The following CFAP20DC variants were observed in gnomAD, a reference collection of about 807,000 sequenced individuals.
CFAP20DC encodes the protein CFAP20 domain containing.
A neutral mutation model predicts 101.7 loss-of-function variants in CFAP20DC; 84 were observed. The ratio of observed to expected loss-of-function variants is 0.83; its 90% CI spans 0.69 to 0.99. The LOEUF is 0.99. CFAP20DC is among the 50% of genes least tolerant of loss of function. The pLI is 0.00. For synonymous variants in CFAP20DC, 359 were observed against 351.2 expected (o/e 1.02, Z -0.25); for missense variants, 1,007 against 970.3 (o/e 1.04, Z -0.50).
chr3:58,861,981 A>G lies in CFAP20DC; in HGVS notation c.1593+1577T>C. 1 of 985,210 alleles carries G rather than the reference A, an allele frequency of 1.0e-6. No individual in the cohort carries two copies. Among genetic ancestry groups the G allele is most frequent in the Non-Finnish European group, 1.2e-6 (1 of 829,704 alleles). 61.0% of individuals were successfully genotyped at this position (985,210 alleles called of 1,614,324 possible). ...CTACAGCAAAAGAAAGCATTAAGTGATATCAAATTAAAATATTCAGAGCTA... is the reference window on the plus strand; with the variant it reads ...CTACAGCAAAAGAAAGCATTAAGTGGTATCAAATTAAAATATTCAGAGCTA... On this transcript the variant is annotated intron_variant, in intron 12 of 16. Transcript: ENST00000482387. This position sits in a 1 kb window ranked among gnomAD's most constrained non-coding sequence, Gnocchi z 4.0.
chr3:59,021,658 C>A (rs545738891), intron 4 of CFAP20DC, among the ~76,000 whole-genome samples: 1 of 152,182 alleles, frequency 6.6e-6, no homozygotes, highest in Non-Finnish European at 1.5e-5. Flanking sequence ...CCTGGTCACA[C>A]AATGATGAGA....
chr3:58,856,594 CAGAAAACTCGAA>C, intron 12 of CFAP20DC, among the ~76,000 whole-genome samples: 1 of 152,282 alleles, frequency 6.6e-6, no homozygotes, highest in Admixed American at 6.5e-5. Context: ...TGCCTTCAGG[CAGAAAACTCGAA>C]AGACTGTCAG....
At chr3:58,939,770 T>A (rs914300001) in intron 4 of CFAP20DC, among the ~76,000 whole-genome samples, 3 of 144,560 alleles carry the variant, frequency 2.1e-5, no homozygotes, top group Admixed American at 6.9e-5. Context: ...TTTTTTTTTT[T>A]TTTTTTTTTT....
chr3:58,777,378 T>C (rs765950660), intron 15 of CFAP20DC, among the ~76,000 whole-genome samples: 22 of 152,340 alleles, frequency 1.4e-4, no homozygotes, highest in Non-Finnish European at 1.9e-4. Context: ...GCACATGTTG[T>C]CAGGACCTCC....
chr3:59,046,346 A>C, intron 2 of CFAP20DC, 24 bp from the exon 3 acceptor site: 1 of 1,354,066 alleles, frequency 7.4e-7, no homozygotes, highest in Non-Finnish European at 1.0e-6. Flanking sequence ...TGAAAACAGT[A>C]GTTATCACAG....
intron 15 of CFAP20DC, chr3:58,794,192 G>A (rs1213205401): frequency 2.7e-5 from 9 of 332,380 alleles, no homozygotes; most frequent in Non-Finnish European, 5.6e-5. Context: ...CAAAATGTGG[G>A]AAGCTGCCTT....
Position 58,892,887 on chromosome 3 carries a change from G to A in CFAP20DC, c.551-8178C>T, listed in dbSNP as rs2082365971. ...ACTATATTGCATAGGAGTGGTGAGA[G>A]AGGGCATTCTTGTCTTGTGCTGGTT... On this transcript the variant is annotated intron_variant, in intron 6 of 16. Coordinates refer to ENST00000482387, the MANE Select transcript of CFAP20DC (RefSeq NM_001394063.1). This position sits in a 1 kb window ranked among gnomAD's most constrained non-coding sequence, Gnocchi z 4.0. 6.6e-6 allele frequency among the ~76,000 whole-genome samples: 1 copy of A among 152,134 alleles called. No individual in the cohort carries two copies. Among genetic ancestry groups the A allele is most frequent in the African/African-American group, 2.4e-5 (1 of 41,430 alleles).
intron 15 of CFAP20DC, among the ~76,000 whole-genome samples, chr3:58,780,242 G>T (rs2071700482): frequency 3.3e-5 from 5 of 152,012 alleles, no homozygotes; most frequent in Admixed American, 3.3e-4. Context: ...GGAAGTGAAA[G>T]AACAATTACT....
Position 58,788,083 on chromosome 3 carries a change from C to T in CFAP20DC, c.2237+18312G>A, listed in dbSNP as rs1005370137. ...GCAAACCACCATGGCATGTGTATAC[C>T]TATACATATATAACAAACCTGCATG... On this transcript the variant is annotated intron_variant, in intron 15 of 16. Transcript: ENST00000482387. The surrounding 1 kb of genome is among the most constrained non-coding windows in gnomAD (Gnocchi z 4.2). Among the ~76,000 whole-genome samples, 1 of 151,332 alleles carries T rather than the reference C, an allele frequency of 6.6e-6. No individual in the cohort carries two copies. Among genetic ancestry groups the T allele is most frequent in the Non-Finnish European group, 1.5e-5 (1 of 67,842 alleles).
chr3:58,810,866 C>G (rs2074560517), intron 14 of CFAP20DC, among the ~76,000 whole-genome samples: 1 of 151,846 alleles, frequency 6.6e-6, no homozygotes, highest in East Asian at 1.9e-4. Flanking sequence ...TCTCAGGATA[C>G]AAAATCAATG....
chr3:59,040,143 G>A (rs891466803), intron 3 of CFAP20DC, among the ~76,000 whole-genome samples: 4 of 151,986 alleles, frequency 2.6e-5, no homozygotes, highest in Non-Finnish European at 5.9e-5. Flanking sequence ...GGTTTTAAAT[G>A]TGTCCACAAT....
At chr3:58,957,897 C>CA (rs958387813) in intron 4 of CFAP20DC, among the ~76,000 whole-genome samples, 18 of 151,372 alleles carry the variant, frequency 1.2e-4, no homozygotes, top group African/African-American at 4.1e-4. Context: ...TAATGATTAC[C>CA]AAAAAAATAG....
chr3:58,761,107 A>T lies in CFAP20DC; in HGVS notation c.2238-7244T>A, dbSNP rs1387106119. Among the ~76,000 whole-genome samples, 3 of 152,166 alleles carry T rather than the reference A, an allele frequency of 2.0e-5. No individual in the cohort carries two copies. The East Asian group carries it at 5.8e-4, about 29-fold the overall frequency. On this transcript the variant is annotated intron_variant, in intron 15 of 16. Coordinates refer to ENST00000482387, the MANE Select transcript of CFAP20DC (RefSeq NM_001394063.1). Reference sequence around the variant, plus strand: ...ATTGATTGGAATAGTTTCAGAAGGAATGGTAGCAGCTCCTCCTTGTACCTC... The same window carrying T: ...ATTGATTGGAATAGTTTCAGAAGGATTGGTAGCAGCTCCTCCTTGTACCTC...
At chr3:58,730,295 A>C (rs985088402) in intron 3 of CFAP20DC, among the ~76,000 whole-genome samples, 1 of 152,372 alleles carries the variant, frequency 6.6e-6, no homozygotes, top group East Asian at 1.9e-4. Context: ...TAACTTGATT[A>C]ATCATTCCAT....
At chr3:58,908,079 A>G (rs1321408500) in intron 6 of CFAP20DC, among the ~76,000 whole-genome samples, 1 of 152,182 alleles carries the variant, frequency 6.6e-6, no homozygotes, top group African/African-American at 2.4e-5. Flanking sequence ...ATTATTTAAA[A>G]GCTCCAGTGG....
At chr3:58,817,386 C>G (rs1483250586) in intron 14 of CFAP20DC, among the ~76,000 whole-genome samples, 5 of 151,342 alleles carry the variant, frequency 3.3e-5, no homozygotes, top group Non-Finnish European at 1.5e-5. Flanking sequence ...AAGTTGAAAA[C>G]TTCGAAAAAA....
intron 12 of CFAP20DC, among the ~76,000 whole-genome samples, chr3:58,855,848 G>T (rs1433266631): frequency 1.0e-4 from 12 of 114,516 alleles, no homozygotes; most frequent in Admixed American, 3.1e-4. Context: ...GGTGGGGGGA[G>T]GGGGGAGGGA....
At chr3:58,952,320 G>T (rs1353584079) in intron 4 of CFAP20DC, among the ~76,000 whole-genome samples, 1 of 152,172 alleles carries the variant, frequency 6.6e-6, no homozygotes, top group East Asian at 1.9e-4. Flanking sequence ...TCTGAGTAGT[G>T]TGATAAAATT....
At position 58,903,327 on chromosome 3, in the gene CFAP20DC, C is replaced by T. The variant is rs558357030; in HGVS notation, c.550+10381G>A. Reference sequence around the variant, plus strand: ...AACATTTTTAGTTAATTTTTGTATACGATATGTGGTAGGAGTCCACCTCAT... The same window carrying T: ...AACATTTTTAGTTAATTTTTGTATATGATATGTGGTAGGAGTCCACCTCAT... On this transcript the variant is annotated intron_variant, in intron 6 of 16. Coordinates refer to ENST00000482387, the MANE Select transcript of CFAP20DC (RefSeq NM_001394063.1). Among the ~76,000 whole-genome samples the T allele has an allele frequency of 5.9e-5, 9 of 152,118 alleles. No homozygotes were observed. In the South Asian group the frequency reaches 6.2e-4, roughly 11 times the overall value.
Sources: allele counts gnomAD v4.1 joint callset (sites outside exome capture counted in the v4.1 genomes callset), GRCh38; gene constraint gnomAD v4.1.1; non-coding constraint Gnocchi (gnomAD v3.1); transcripts MANE v1.5; gene names NCBI Gene and HGNC (gene_info 2026-07-23, HGNC 2026-07-21).